The following PGCKA1 variants were observed in gnomAD, a reference collection of about 807,000 sequenced individuals.
The protein encoded by PGCKA1 is PDCD10 and GCKIII kinases associated 1, also known as PDCD10 and GCKIII kinases-associated protein 1.
At chr4:37,520,564 G>A in the PGCKA1 span, among the ~76,000 whole-genome samples, 3 of 152,062 alleles carry the variant, frequency 2.0e-5, no homozygotes, top group Non-Finnish European at 4.4e-5. Flanking sequence ...GCTCATAGTA[G>A]CCACTATTGA....
At chr4:37,498,645 TA>T in the PGCKA1 span, among the ~76,000 whole-genome samples, 1 of 152,328 alleles carries the variant, frequency 6.6e-6, no homozygotes, top group African/African-American at 2.4e-5. Context: ...TATTCCTAAA[TA>T]TTTTATTTTT....
At chr4:37,581,078 G>C in the PGCKA1 span, among the ~76,000 whole-genome samples, 5 of 151,868 alleles carry the variant, frequency 3.3e-5, no homozygotes, top group African/African-American at 1.2e-4. This position sits in a 1 kb window ranked among gnomAD's most constrained non-coding sequence, Gnocchi z 4.4. Context: ...AAGGCCCAAG[G>C]GCTCCTCAGA....
the PGCKA1 span, among the ~76,000 whole-genome samples, chr4:37,509,363 G>A: frequency 1.4e-5 from 2 of 141,754 alleles, no homozygotes; most frequent in African/African-American, 2.7e-5. Flanking sequence ...TCCCACATGG[G>A]GTCACGGCAG....
chr4:37,506,593 T>C, the PGCKA1 span, among the ~76,000 whole-genome samples: 21 of 151,482 alleles, frequency 1.4e-4, no homozygotes, highest in Admixed American at 1.2e-3. Context: ...AAAATTACTT[T>C]TTTTTTTTTT....
the PGCKA1 span, among the ~76,000 whole-genome samples, chr4:37,568,601 T>G: frequency 6.6e-6 from 1 of 152,198 alleles, no homozygotes; most frequent in Non-Finnish European, 1.5e-5. Flanking sequence ...CCTTTTATCA[T>G]TCAGTCAAGA....
At chr4:37,502,109 T>A in the PGCKA1 span, among the ~76,000 whole-genome samples, 1 of 152,178 alleles carries the variant, frequency 6.6e-6, no homozygotes, top group Non-Finnish European at 1.5e-5. Context: ...AGACAAGGTG[T>A]GCTTGGACCA....
the PGCKA1 span, among the ~76,000 whole-genome samples, chr4:37,563,700 T>G: frequency 6.6e-6 from 1 of 152,182 alleles, no homozygotes; most frequent in African/African-American, 2.4e-5. Flanking sequence ...TGTGCTTCCT[T>G]TAAAATCTAT....
the PGCKA1 span, among the ~76,000 whole-genome samples, chr4:37,571,870 G>A: frequency 3.9e-5 from 6 of 151,914 alleles, 1 homozygote; most frequent in African/African-American, 1.2e-4. Context: ...GACCTCAAGC[G>A]ATCCTCCCAC....
At chr4:37,470,854 A>G in the PGCKA1 span, among the ~76,000 whole-genome samples, 1 of 152,150 alleles carries the variant, frequency 6.6e-6, no homozygotes, top group East Asian at 1.9e-4. Flanking sequence ...AAAGATCTTT[A>G]AATTATTTTG....
the PGCKA1 span, among the ~76,000 whole-genome samples, chr4:37,468,987 G>A: frequency 6.6e-6 from 1 of 152,094 alleles, no homozygotes; most frequent in African/African-American, 2.4e-5. Flanking sequence ...CAACGTTTGG[G>A]TCATATACCT....
chr4:37,574,484 A>T, the PGCKA1 span, among the ~76,000 whole-genome samples: 4 of 151,958 alleles, frequency 2.6e-5, no homozygotes, highest in African/African-American at 9.7e-5. Flanking sequence ...TTGTGGGTAC[A>T]TGGTATATAT....
the PGCKA1 span, among the ~76,000 whole-genome samples, chr4:37,503,879 C>A: frequency 6.6e-6 from 1 of 152,134 alleles, no homozygotes; most frequent in African/African-American, 2.4e-5. Flanking sequence ...GGGTAGTTTG[C>A]AAATATGTTA....
chr4:37,586,040 TG>T, the PGCKA1 span, among the ~76,000 whole-genome samples: 29 of 151,594 alleles, frequency 1.9e-4, no homozygotes, highest in Non-Finnish European at 3.8e-4. Flanking sequence ...TTTTTCTTTT[TG>T]GGGGGTGTGT....
At chr4:37,539,339 G>A in the PGCKA1 span, among the ~76,000 whole-genome samples, 1 of 152,166 alleles carries the variant, frequency 6.6e-6, no homozygotes, top group East Asian at 1.9e-4. Flanking sequence ...CCACTGGTCT[G>A]TCCTGATATG....
the PGCKA1 span, among the ~76,000 whole-genome samples, chr4:37,524,685 G>A: frequency 1.3e-5 from 2 of 152,214 alleles, no homozygotes; most frequent in Non-Finnish European, 2.9e-5. Context: ...TAATAACCAA[G>A]AGTGGTTATT....
At chr4:37,547,163 A>T in the PGCKA1 span, among the ~76,000 whole-genome samples, 1 of 151,926 alleles carries the variant, frequency 6.6e-6, no homozygotes, top group Admixed American at 6.6e-5. Flanking sequence ...TTCCTTGACA[A>T]GACTGGTCTT....
the PGCKA1 span, among the ~76,000 whole-genome samples, chr4:37,551,488 T>C: frequency 1.3e-5 from 2 of 152,218 alleles, no homozygotes; most frequent in Non-Finnish European, 2.9e-5. Context: ...CCTTGACTAT[T>C]CTGGCCCGGC....
At chr4:37,503,976 C>A in the PGCKA1 span, among the ~76,000 whole-genome samples, 2 of 152,046 alleles carry the variant, frequency 1.3e-5, no homozygotes, top group African/African-American at 4.8e-5. Flanking sequence ...CCCATTTGTC[C>A]ATTTTTGCTT....
the PGCKA1 span, among the ~76,000 whole-genome samples, chr4:37,465,594 C>T: frequency 2.6e-5 from 4 of 152,008 alleles, no homozygotes; most frequent in Admixed American, 1.3e-4. Flanking sequence ...ATCCTGCAGG[C>T]CTTGCAGACC....
Sources: gnomAD v4.1 joint callset for allele counts (sites outside exome capture counted in the v4.1 genomes callset) on GRCh38, gnomAD v4.1.1 for gene constraint, Gnocchi (gnomAD v3.1) non-coding constraint, MANE v1.5 for transcripts, NCBI Gene and HGNC (gene_info 2026-07-23, HGNC 2026-07-21) for gene names.